The following UNC5D variants were observed in gnomAD, a reference collection of about 807,000 sequenced individuals.
UNC5D encodes the protein netrin receptor UNC5D.
In UNC5D, 39 loss-of-function variants were observed where a neutral mutation model predicts 105.4. The observed-to-expected ratio is 0.37, with a 90% CI of 0.29 to 0.48. The LOEUF (loss-of-function observed/expected upper bound fraction) is 0.48. UNC5D is among the 20% of genes least tolerant of loss of function. The pLI, the probability that UNC5D is intolerant of heterozygous loss-of-function variation, is 0.98. For synonymous variants in UNC5D, 452 were observed against 450.4 expected (o/e 1.00, Z -0.04); for missense variants, 991 against 1,202.4 (o/e 0.82, Z 2.60).
intron 1 of UNC5D, among the ~76,000 whole-genome samples, chr8:35,482,963 C>T (rs77606239): frequency 1.3e-4 from 20 of 151,556 alleles, no homozygotes; most frequent in East Asian, 7.8e-4. Context: ...CCACCACGCC[C>T]GGCTAATTTT....
At chr8:35,785,661 T>G (rs1802710982) in intron 16 of UNC5D, among the ~76,000 whole-genome samples, 1 of 152,160 alleles carries the variant, frequency 6.6e-6, no homozygotes, top group South Asian at 2.1e-4. Context: ...ACGCCGAGCC[T>G]ATATATTATT....
chr8:35,477,173 A>G (rs2129922244), intron 1 of UNC5D, among the ~76,000 whole-genome samples: 1 of 152,234 alleles, frequency 6.6e-6, no homozygotes, highest in African/African-American at 2.4e-5. Context: ...GAGTCATTTC[A>G]TTTAATTTTG....
intron 4 of UNC5D, among the ~76,000 whole-genome samples, chr8:35,604,379 T>A (rs1322149592): frequency 6.6e-6 from 1 of 152,256 alleles, no homozygotes; most frequent in Non-Finnish European, 1.5e-5. Context: ...GCCCCCACCC[T>A]CTTCTGGCTT....
chr8:35,602,542 C>T (rs562753578), intron 4 of UNC5D, among the ~76,000 whole-genome samples: 7 of 152,120 alleles, frequency 4.6e-5, no homozygotes, highest in Non-Finnish European at 7.4e-5. Context: ...GCGTATGTGT[C>T]GAGGAATTTA....
chr8:35,265,714 C>CA (rs1309426760), intron 1 of UNC5D, among the ~76,000 whole-genome samples: 2 of 151,750 alleles, frequency 1.3e-5, no homozygotes, highest in Non-Finnish European at 2.9e-5. Flanking sequence ...ACTAAAAATA[C>CA]AAAAAATTAG....
At chr8:35,384,477 C>T (rs1454165264) in intron 1 of UNC5D, among the ~76,000 whole-genome samples, 1 of 152,118 alleles carries the variant, frequency 6.6e-6, no homozygotes, top group Admixed American at 6.5e-5. Flanking sequence ...TCTTTGAAGT[C>T]TTTGCTGACA....
chr8:35,677,607 A>G (rs1825337569), intron 4 of UNC5D, among the ~76,000 whole-genome samples: 1 of 152,142 alleles, frequency 6.6e-6, no homozygotes, highest in African/African-American at 2.4e-5. Context: ...AGAAAATACC[A>G]GACTGATTTC....
intron 1 of UNC5D, among the ~76,000 whole-genome samples, chr8:35,247,573 GTATAAAATA>G (rs1300689534): frequency 2.6e-4 from 25 of 96,650 alleles, no homozygotes; most frequent in African/African-American, 3.8e-4. Context: ...ATATAAATAT[GTATAAAATA>G]TATAAAATAT....
At chr8:35,593,046 TACACACACACACACACACACAC>T (rs200962371) in intron 3 of UNC5D, among the ~76,000 whole-genome samples, 2 of 141,120 alleles carry the variant, frequency 1.4e-5, no homozygotes, top group Non-Finnish European at 3.1e-5. Context: ...GTAGTTTTTA[TACACACACACACACACACACAC>T]ACACACACAC....
intron 4 of UNC5D, among the ~76,000 whole-genome samples, chr8:35,620,721 G>A (rs761892146): frequency 2.0e-5 from 3 of 152,096 alleles, no homozygotes; most frequent in Non-Finnish European, 2.9e-5. Context: ...ATTTACTTAT[G>A]TTCTTAGGCC....
chr8:35,292,599 C>T (rs1387139890), intron 1 of UNC5D, among the ~76,000 whole-genome samples: 2 of 151,926 alleles, frequency 1.3e-5, no homozygotes, highest in African/African-American at 2.4e-5. Flanking sequence ...TTATGAATCC[C>T]GTGAAACTTA....
chr8:35,719,176 ACACACACACACG>A (rs756643341), intron 8 of UNC5D, among the ~76,000 whole-genome samples: 28 of 148,498 alleles, frequency 1.9e-4, no homozygotes, highest in African/African-American at 7.2e-4. Context: ...ACACACACAC[ACACACACACACG>A]ACTTTCTCCC....
chr8:35,789,171 A>G (rs58256289), intron 16 of UNC5D, among the ~76,000 whole-genome samples: 23 of 92,104 alleles, frequency 2.5e-4, no homozygotes, highest in African/African-American at 1.0e-3. Flanking sequence ...ATATATATAT[A>G]TATATATATA....
At chr8:35,696,513 G>C (rs1826790141) in intron 7 of UNC5D, among the ~76,000 whole-genome samples, 1 of 152,022 alleles carries the variant, frequency 6.6e-6, no homozygotes, top group African/African-American at 2.4e-5. Flanking sequence ...TAATGTCTGA[G>C]ATCATAGAGT....
chr8:35,318,551 AG>A (rs1167725591), intron 1 of UNC5D, among the ~76,000 whole-genome samples: 1 of 152,092 alleles, frequency 6.6e-6, no homozygotes, highest in Non-Finnish European at 1.5e-5. Flanking sequence ...CATATTTTTT[AG>A]GGTTGTTTTA....
chr8:35,334,063 G>A (rs1319102289), intron 1 of UNC5D, among the ~76,000 whole-genome samples: 1 of 152,132 alleles, frequency 6.6e-6, no homozygotes, highest in East Asian at 1.9e-4. Context: ...CTTTTTGATA[G>A]TTTTTTAACT....
intron 16 of UNC5D, among the ~76,000 whole-genome samples, chr8:35,781,000 G>A (rs1802477983): frequency 1.3e-5 from 2 of 152,296 alleles, no homozygotes; most frequent in Admixed American, 1.3e-4. Flanking sequence ...CTAGAAACCA[G>A]ATGACTCTTC....
At chr8:35,741,306 T>G (rs1350256408) in intron 11 of UNC5D, among the ~76,000 whole-genome samples, 1 of 152,160 alleles carries the variant, frequency 6.6e-6, no homozygotes, top group Non-Finnish European at 1.5e-5. Context: ...CTCATTCCAG[T>G]GTGTATATAA....
At chr8:35,634,789 G>A (rs1395061897) in intron 4 of UNC5D, among the ~76,000 whole-genome samples, 8 of 148,228 alleles carry the variant, frequency 5.4e-5, no homozygotes, top group African/African-American at 1.3e-4. Context: ...TTTTTGAGAC[G>A]GAGTTTCACT....
Sources: gnomAD v4.1 joint callset for allele counts (sites outside exome capture counted in the v4.1 genomes callset) on GRCh38, gnomAD v4.1.1 for gene constraint, MANE v1.5 for transcripts, NCBI Gene and HGNC (gene_info 2026-07-23, HGNC 2026-07-21) for gene names.